Variants in LRRC4C observed in about 807,000 individuals in gnomAD.
LRRC4C encodes the protein leucine rich repeat containing 4C, also known as leucine-rich repeat-containing protein 4C.
In LRRC4C, 5 loss-of-function variants were observed where a neutral mutation model predicts 33.6. The ratio of observed to expected loss-of-function variants is 0.15; its 90% CI spans 0.08 to 0.31. The LOEUF is 0.31. Among genes scored for constraint, LRRC4C ranks in the 10% least tolerant of loss-of-function variants. The pLI is 1.00. For missense variants in LRRC4C, 560 were observed against 796.7 expected, an observed-to-expected ratio of 0.70 and a Z score of 3.58; for synonymous variants, 329 against 302.0, an observed-to-expected ratio of 1.09 and a Z score of -0.93.
intron 4 of LRRC4C, among the ~76,000 whole-genome samples, chr11:40,270,587 C>T (rs1257207048): frequency 6.6e-6 from 1 of 151,998 alleles, no homozygotes. Flanking sequence ...ACACTCTCTT[C>T]TTCTTTCTTT....
In LRRC4C at chr11:40,859,012, A is replaced by G. The variant is rs1256315709; in HGVS notation, c.-407+74623T>C. Among the ~76,000 whole-genome samples the G allele has an allele frequency of 4.3e-4, 66 of 152,202 alleles. 1 individual carries two copies. The highest frequency in any genetic ancestry group is 2.9e-5 in the Non-Finnish European group (2 of 68,038). The stretch of plus-strand genomic sequence containing the variant: ...GAATCATCAAATTTTCAGACCCAGT[A>G]GTTTCATTATGATTCATCCAAAGGC... On this transcript the variant is annotated intron_variant, in intron 2 of 6. Transcript: ENST00000528697.
At chr11:41,421,533 C>A (rs1453241716) in intron 1 of LRRC4C, among the ~76,000 whole-genome samples, 1 of 152,022 alleles carries the variant, frequency 6.6e-6, no homozygotes, top group Non-Finnish European at 1.5e-5. Flanking sequence ...AGCTCAGTAG[C>A]AAATGCTGGG....
At chr11:41,067,258 G>A (rs111248872) in intron 1 of LRRC4C, among the ~76,000 whole-genome samples, 7 of 152,096 alleles carry the variant, frequency 4.6e-5, no homozygotes, top group East Asian at 1.9e-4. Flanking sequence ...AAAAAGCAGG[G>A]GTTGCAATCC....
intron 5 of LRRC4C, among the ~76,000 whole-genome samples, chr11:40,232,493 G>C (rs1865277472): frequency 6.6e-6 from 1 of 152,132 alleles, no homozygotes; most frequent in Non-Finnish European, 1.5e-5. Context: ...TCACTTGCTA[G>C]GGACAATAAG....
chr11:40,999,418 T>A (rs1854206957), intron 1 of LRRC4C, among the ~76,000 whole-genome samples: 2 of 152,176 alleles, frequency 1.3e-5, no homozygotes, highest in African/African-American at 4.8e-5. Context: ...TCCAAAGTGA[T>A]GGCAGAATTC....
chr11:40,476,342 CTT>C (rs71308392), intron 3 of LRRC4C, among the ~76,000 whole-genome samples: 4 of 81,370 alleles, frequency 4.9e-5, no homozygotes, highest in Non-Finnish European at 1.0e-4. Flanking sequence ...TTTTTTTCTT[CTT>C]TTTTTTTTTT....
At chr11:40,961,038 T>G (rs1379249101) in intron 1 of LRRC4C, among the ~76,000 whole-genome samples, 1 of 151,692 alleles carries the variant, frequency 6.6e-6, no homozygotes, top group Non-Finnish European at 1.5e-5. Flanking sequence ...TGATGCTTGA[T>G]GAAAGTGTGT....
chr11:40,649,962 C>T (rs1453164419), intron 2 of LRRC4C, among the ~76,000 whole-genome samples: 1 of 152,126 alleles, frequency 6.6e-6, no homozygotes, highest in East Asian at 1.9e-4. Context: ...ACCATATTCT[C>T]TTGTTTTAGT....
At chr11:40,325,562 A>T (rs936649645) in intron 3 of LRRC4C, among the ~76,000 whole-genome samples, 1 of 152,000 alleles carries the variant, frequency 6.6e-6, no homozygotes, top group Non-Finnish European at 1.5e-5. Context: ...CAGAAGATAG[A>T]GGCTGCAGTA....
At chr11:41,435,912 T>C (rs2138470053) in intron 1 of LRRC4C, among the ~76,000 whole-genome samples, 1 of 152,336 alleles carries the variant, frequency 6.6e-6, no homozygotes, top group Non-Finnish European at 1.5e-5. Flanking sequence ...GAAAATAGCC[T>C]AAACATTTCC....
At chr11:40,826,039 T>C (rs758161712) in intron 2 of LRRC4C, among the ~76,000 whole-genome samples, 1 of 151,680 alleles carries the variant, frequency 6.6e-6, no homozygotes, top group African/African-American at 2.4e-5. Flanking sequence ...TGCACCCTTA[T>C]GTAGTCCACA....
chr11:41,088,688 G>A (rs1288647668), intron 1 of LRRC4C, among the ~76,000 whole-genome samples: 1 of 152,048 alleles, frequency 6.6e-6, no homozygotes, highest in Non-Finnish European at 1.5e-5. Flanking sequence ...TAGGACACTG[G>A]TAATTGATTC....
intron 4 of LRRC4C, among the ~76,000 whole-genome samples, chr11:40,310,955 T>A (rs532426595): frequency 6.6e-6 from 1 of 152,252 alleles, no homozygotes; most frequent in Non-Finnish European, 1.5e-5. Context: ...ATACACTGTA[T>A]GGCTCACCTG....
intron 1 of LRRC4C, among the ~76,000 whole-genome samples, chr11:41,055,480 A>G (rs1444095762): frequency 6.6e-6 from 1 of 152,174 alleles, no homozygotes; most frequent in African/African-American, 2.4e-5. Context: ...GAGAGTCTAC[A>G]TCTTAACCAA....
chr11:40,324,772 T>A (rs1055635441), intron 3 of LRRC4C, among the ~76,000 whole-genome samples: 1 of 152,200 alleles, frequency 6.6e-6, no homozygotes, highest in Non-Finnish European at 1.5e-5. Flanking sequence ...AACAGGGTGA[T>A]GTGATAAGGA....
chr11:40,949,080 T>G (rs1474910555), intron 1 of LRRC4C, among the ~76,000 whole-genome samples: 1 of 152,002 alleles, frequency 6.6e-6, no homozygotes, highest in East Asian at 1.9e-4. Flanking sequence ...TGAGATGATA[T>G]CTCATTGTGG....
At chr11:40,347,009 A>C (rs1424688724) in intron 3 of LRRC4C, among the ~76,000 whole-genome samples, 1 of 152,218 alleles carries the variant, frequency 6.6e-6, no homozygotes, top group East Asian at 1.9e-4. Flanking sequence ...CACCAGCTGC[A>C]TTAACTCCTA....
chr11:40,132,714 TA>T (rs1856729878), intron 6 of LRRC4C, among the ~76,000 whole-genome samples: 1 of 152,124 alleles, frequency 6.6e-6, no homozygotes, highest in South Asian at 2.1e-4. Flanking sequence ...AATATTCTAT[TA>T]AAACAAACAT....
intron 2 of LRRC4C, among the ~76,000 whole-genome samples, chr11:40,719,441 T>C (rs2136666422): frequency 6.6e-6 from 1 of 152,326 alleles, no homozygotes; most frequent in African/African-American, 2.4e-5. Flanking sequence ...AGCAAACTTT[T>C]ACTGCCGTTA....
Sources: gnomAD v4.1 joint callset for allele counts (sites outside exome capture counted in the v4.1 genomes callset) on GRCh38, gnomAD v4.1.1 for gene constraint, MANE v1.5 for transcripts, NCBI Gene and HGNC (gene_info 2026-07-23, HGNC 2026-07-21) for gene names.